The following SMAD6 variants were observed in gnomAD, a reference collection of about 807,000 sequenced individuals.
SMAD6 encodes the protein SMAD family member 6.
A neutral mutation model predicts 39.4 loss-of-function variants in SMAD6; 103 were observed. That is an observed-to-expected ratio of 2.62 (90% confidence interval 2.23 to 3.08). SMAD6 has a LOEUF of 3.08. SMAD6 is among the 30% of genes most tolerant of loss of function. The pLI, the probability that SMAD6 is intolerant of heterozygous loss-of-function variation, is 0.00. For synonymous variants in SMAD6, 445 were observed against 353.3 expected, an observed-to-expected ratio of 1.26 and a Z score of -2.91; for missense variants, 1,104 against 742.9, an observed-to-expected ratio of 1.49 and a Z score of -5.65.
At chr15:66,762,255 C>T (rs1032806786) in intron 3 of SMAD6, among the ~76,000 whole-genome samples, 1 of 152,234 alleles carries the variant, frequency 6.6e-6, no homozygotes, top group African/African-American at 2.4e-5. Flanking sequence ...CCTCCAGTGC[C>T]TCCCTTGCCG....
At chr15:66,734,312 G>A (rs978876287) in intron 3 of SMAD6, among the ~76,000 whole-genome samples, 3 of 152,196 alleles carry the variant, frequency 2.0e-5, no homozygotes, top group African/African-American at 7.2e-5. Context: ...CTGGGTTCTG[G>A]GCATGGCAAG....
At chr15:66,745,760 C>T (rs913561517) in intron 3 of SMAD6, among the ~76,000 whole-genome samples, 1 of 152,212 alleles carries the variant, frequency 6.6e-6, no homozygotes, top group Non-Finnish European at 1.5e-5. Context: ...GTCCCTTTCC[C>T]TCTCCGGGCC....
At chr15:66,765,289 A>G (rs757719078) in intron 3 of SMAD6, among the ~76,000 whole-genome samples, 20 of 152,082 alleles carry the variant, frequency 1.3e-4, no homozygotes, top group Non-Finnish European at 2.6e-4. Context: ...CAGTGGCGCA[A>G]TCTGGCTCAC....
At chr15:66,750,911 G>A (rs996119362) in intron 3 of SMAD6, among the ~76,000 whole-genome samples, 1 of 152,192 alleles carries the variant, frequency 6.6e-6, no homozygotes, top group South Asian at 2.1e-4. Flanking sequence ...ACAAAAGCAG[G>A]TGTTGGCATT....
At chr15:66,755,456 C>T (rs1295393478) in intron 3 of SMAD6, among the ~76,000 whole-genome samples, 1 of 152,146 alleles carries the variant, frequency 6.6e-6, no homozygotes, top group Non-Finnish European at 1.5e-5. Flanking sequence ...TAGATGATTC[C>T]TTCTGCTCAA....
chr15:66,741,199 C>G (rs1178093659), intron 3 of SMAD6: 1 of 152,244 alleles, frequency 6.6e-6, no homozygotes. Context: ...ATGGTGGATG[C>G]CTTTGCCCTG....
chr15:66,735,916 G>A (rs1171688623), intron 3 of SMAD6, among the ~76,000 whole-genome samples: 1 of 152,254 alleles, frequency 6.6e-6, no homozygotes, highest in Non-Finnish European at 1.5e-5. Context: ...AGCTAGAGGC[G>A]AAGAGGACCT....
At chr15:66,744,064 G>A (rs1013373579) in intron 3 of SMAD6, among the ~76,000 whole-genome samples, 6 of 152,128 alleles carry the variant, frequency 3.9e-5, no homozygotes, top group Non-Finnish European at 1.5e-5. Context: ...GGGATTGCCA[G>A]GTCAAAGGCC....
At chr15:66,719,167 G>GT (rs1387265743) in intron 3 of SMAD6, among the ~76,000 whole-genome samples, 7 of 152,220 alleles carry the variant, frequency 4.6e-5, no homozygotes, top group African/African-American at 1.7e-4. Context: ...TGCCCATAAT[G>GT]TAAGTGGAAG....
At chr15:66,749,572 A>G (rs933673971) in intron 3 of SMAD6, among the ~76,000 whole-genome samples, 1 of 152,282 alleles carries the variant, frequency 6.6e-6, no homozygotes, top group African/African-American at 2.4e-5. Context: ...GAGACATGAT[A>G]GCTCCACTGT....
intron 3 of SMAD6, among the ~76,000 whole-genome samples, chr15:66,733,856 G>A (rs1043303830): frequency 3.3e-5 from 5 of 152,178 alleles, no homozygotes; most frequent in Non-Finnish European, 5.9e-5. Flanking sequence ...ATCCCGCTTG[G>A]GCACTGATGT....
intron 3 of SMAD6, among the ~76,000 whole-genome samples, chr15:66,723,247 T>C (rs1893465672): frequency 6.6e-6 from 1 of 152,148 alleles, no homozygotes; most frequent in Non-Finnish European, 1.5e-5. Context: ...GGGATATACT[T>C]GCAAAGTCCA....
At chr15:66,729,192 C>G (rs1001274274) in intron 3 of SMAD6, among the ~76,000 whole-genome samples, 1 of 152,162 alleles carries the variant, frequency 6.6e-6, no homozygotes, top group African/African-American at 2.4e-5. Context: ...GGTGGCCATC[C>G]TGCTACTCAG....
intron 3 of SMAD6, 117 bp from the exon 4 acceptor site, chr15:66,780,880 A>G (rs183565732): frequency 2.9e-6 from 3 of 1,022,682 alleles, no homozygotes; most frequent in East Asian, 5.3e-5. Context: ...ATGACTGCTG[A>G]ATGCTGGAAA....
Position 66,708,640 on chromosome 15 carries a change from C to T in SMAD6, c.818-3028C>T, listed in dbSNP as rs952000350. On this transcript the variant is annotated intron_variant, in intron 1 of 3. Transcript: ENST00000288840. ...AACGTGCTACAACATGGATGAACTT[C>T]GATGACTTTGTGCCACATGAAAGAA... is the stretch of plus-strand genomic sequence containing the variant. 11 of 444,574 alleles carry T rather than the reference C, an allele frequency of 2.5e-5. No homozygotes were observed. The East Asian group carries it at 3.6e-4, about 15-fold the overall frequency. The allele number at this position is 444,574 out of a possible 1,614,324, so 27.5% of individuals were successfully genotyped here.
intron 3 of SMAD6, chr15:66,740,367 C>T (rs1893792278): frequency 6.6e-6 from 1 of 152,194 alleles, no homozygotes; most frequent in South Asian, 2.1e-4. Context: ...TCTCTGAACT[C>T]CCGAGAAGGA....
intron 3 of SMAD6, among the ~76,000 whole-genome samples, chr15:66,756,208 G>A (rs1894096236): frequency 6.6e-6 from 1 of 152,090 alleles, no homozygotes; most frequent in Non-Finnish European, 1.5e-5. Context: ...CTAGGAGTGG[G>A]GGGTGCCTGG....
chr15:66,726,272 AGGCGTTGG>A (rs1893519736), intron 3 of SMAD6, among the ~76,000 whole-genome samples: 1 of 152,106 alleles, frequency 6.6e-6, no homozygotes, highest in Non-Finnish European at 1.5e-5. Context: ...GGTGTGTAGT[AGGCGTTGG>A]GGTTATGTTT....
At chr15:66,727,916 G>A (rs149406707) in intron 3 of SMAD6, among the ~76,000 whole-genome samples, 3,477 of 151,900 alleles carry the variant, frequency 0.023, 129 homozygotes, top group African/African-American at 0.075. Context: ...GCAATGGCGC[G>A]ATCTCCGCTC....
Sources: gnomAD v4.1 joint callset for allele counts (sites outside exome capture counted in the v4.1 genomes callset) on GRCh38, gnomAD v4.1.1 for gene constraint, MANE v1.5 for transcripts, NCBI Gene and HGNC (gene_info 2026-07-23, HGNC 2026-07-21) for gene names.